KIAA0408: variants seen among roughly 807,000 people sequenced by gnomAD.
KIAA0408 encodes the protein KIAA0408.
A neutral mutation model predicts 60.9 loss-of-function variants in KIAA0408; 51 were observed. That is an observed-to-expected ratio of 0.84 (90% CI 0.67 to 1.06). The LOEUF (loss-of-function observed/expected upper bound fraction) is 1.06, where lower values mean the gene tolerates loss of function less well. KIAA0408 is among the 50% of genes least tolerant of loss of function. The pLI is 0.00. For missense variants in KIAA0408, 787 were observed against 833.9 expected (o/e 0.94, Z 0.69); for synonymous variants, 304 against 282.4 (o/e 1.08, Z -0.77).
intron 2 of KIAA0408, among the ~76,000 whole-genome samples, chr6:127,451,927 G>A (rs1773309022): frequency 6.6e-6 from 1 of 152,050 alleles, no homozygotes; most frequent in African/African-American, 2.4e-5. Context: ...TTCTACCAAA[G>A]GATACAGGCA....
intron 2 of KIAA0408, among the ~76,000 whole-genome samples, chr6:127,452,792 TG>T (rs1159508255): frequency 6.6e-6 from 1 of 152,060 alleles, no homozygotes; most frequent in Non-Finnish European, 1.5e-5. Flanking sequence ...AATCCGAGTA[TG>T]GGTAGAGGGG....
intron 1 of KIAA0408, among the ~76,000 whole-genome samples, chr6:127,458,219 T>TC (rs1438116764): frequency 1.3e-5 from 2 of 152,210 alleles, no homozygotes; most frequent in African/African-American, 2.4e-5. Flanking sequence ...TATCCCTTTC[T>TC]CCAGGCTATT....
At position 127,439,268 on chromosome 6, in the gene KIAA0408, T is replaced by G. The variant is rs751540076; in HGVS notation, c.*4841A>C. ...CTGCTTTTATTTATTCTGGAGTATA[T>G]GTAACTTATGAAGTGTGAAACTATT... On this transcript the variant is annotated 3_prime_UTR_variant, in exon 6 of 6. Coordinates refer to ENST00000483725, the MANE Select transcript of KIAA0408 (RefSeq NM_014702.5). 6.6e-6 allele frequency: 1 copy of G among 152,282 alleles called. No homozygotes were observed. 9.4% of individuals were successfully genotyped at this position (152,282 alleles called of 1,614,324 possible). A position where few individuals can be genotyped will look rare whatever the true frequency, so the allele number is the denominator to read the frequency against.
Position 127,447,745 on chromosome 6 carries a change from A to G in KIAA0408, c.579-5T>C. The G allele has an allele frequency of 6.5e-7, 1 of 1,531,402 alleles. No individual in the cohort carries two copies. Among genetic ancestry groups the G allele is most frequent in the Non-Finnish European group, 8.7e-7 (1 of 1,146,052 alleles). 94.9% of individuals were successfully genotyped at this position (1,531,402 alleles called of 1,614,324 possible). A position where few individuals can be genotyped will look rare whatever the true frequency, so the allele number is the denominator to read the frequency against. The stretch of plus-strand genomic sequence containing the variant: ...AGAAAAGAATCTGACTTCATCCTAA[A>G]CAATGATAAAACATGGTGTATTGGT... On this transcript the variant is annotated splice_polypyrimidine_tract_variant and splice_region_variant and intron_variant, in intron 4 of 5. Transcript: ENST00000483725.
rs199908143 is a variant in KIAA0408 at position 127,446,467 on chromosome 6, T to A, written c.1852A>T (p.Thr618Ser). The change falls in exon 5 of 6, where the codon ACA becomes TCA. Residue 618 changes from threonine (T) to serine (S), a missense_variant. By Grantham distance (58) the Thr-to-Ser change is moderately conservative (BLOSUM62 1). Transcript: ENST00000483725. ...ACTTCCTGTCCCCCCCACACAGCTGTCTTTTGCTGAAACTGTTGTTCCATT... is the reference window on the plus strand; with the variant it reads ...ACTTCCTGTCCCCCCCACACAGCTGACTTTTGCTGAAACTGTTGTTCCATT... ...LQMEQQFQQK[T>S]AVWGGQEVKQ... 9.9e-6 allele frequency: 16 copies of A among 1,614,018 alleles called. No individual in the cohort carries two copies. Among genetic ancestry groups the A allele is most frequent in the Non-Finnish European group, 1.3e-5 (15 of 1,179,920 alleles).
intron 4 of KIAA0408, among the ~76,000 whole-genome samples, chr6:127,448,961 A>G (rs946932843): frequency 1.3e-5 from 2 of 152,188 alleles, no homozygotes; most frequent in African/African-American, 4.8e-5. Context: ...ACTGTTTCCA[A>G]ATGGAAACAG....
Position 127,438,527 on chromosome 6 carries a change from G to A in KIAA0408, c.*5582C>T, listed in dbSNP as rs1206047663. 3.9e-5 allele frequency: 6 copies of A among 152,122 alleles called. No homozygotes were observed. The highest frequency in any genetic ancestry group is 8.8e-5 in the Non-Finnish European group (6 of 68,022). The allele number at this position is 152,122 out of a possible 1,614,324, so 9.4% of individuals were successfully genotyped here. On this transcript the variant is annotated 3_prime_UTR_variant, in exon 6 of 6. Coordinates refer to ENST00000483725, the MANE Select transcript of KIAA0408 (RefSeq NM_014702.5). Reference sequence around the variant, plus strand: ...TTGCAGTCACATTGCTTAACAACAGGGATATGATCTGAGAAACGTGTTCTC... The same window carrying A: ...TTGCAGTCACATTGCTTAACAACAGAGATATGATCTGAGAAACGTGTTCTC...
intron 4 of KIAA0408, 88 bp downstream of exon 4, chr6:127,449,734 T>A: frequency 6.5e-7 from 1 of 1,531,862 alleles, no homozygotes; most frequent in Non-Finnish European, 8.9e-7. Context: ...AGTTCTTACA[T>A]GTAAGGAGGA....
intron 1 of KIAA0408, among the ~76,000 whole-genome samples, chr6:127,457,144 G>GA (rs1773410122): frequency 6.6e-6 from 1 of 152,026 alleles, no homozygotes; most frequent in African/African-American, 2.4e-5. Flanking sequence ...CATATTTAAA[G>GA]AAAAAAGTTT....
chr6:127,449,478 C>T (rs940491943), intron 4 of KIAA0408, among the ~76,000 whole-genome samples: 3 of 151,868 alleles, frequency 2.0e-5, no homozygotes, highest in African/African-American at 4.8e-5. Context: ...GGTGAAATCC[C>T]GTCTCTACTA....
rs145445667 is a variant in KIAA0408 at position 127,447,296 on chromosome 6, T to C, written c.1023A>G (p.Val341=). The C allele has an allele frequency of 1.2e-6, 2 of 1,613,976 alleles. No homozygotes were observed. Among genetic ancestry groups the C allele is most frequent in the African/African-American group, 2.7e-5 (2 of 74,920 alleles). The change falls in exon 5 of 6, where the codon GTA becomes GTG. Residue 341 remains valine, a synonymous_variant. Transcript: ENST00000483725. ...GCTTGCTATCTATTTTGACTTCTGG[T>C]ACCAAAGAGGAAAAGATGATACCAT... The part of the protein sequence containing the change: ...SKDGIIFSSL[V]PEVKIDSKPP...
In KIAA0408 at chr6:127,455,770, A is replaced by G. The variant is rs1773381642; in HGVS notation, c.-120-1669T>C. On this transcript the variant is annotated intron_variant, in intron 1 of 5. Coordinates refer to ENST00000483725, the MANE Select transcript of KIAA0408 (RefSeq NM_014702.5). ...CATATCTCATTTTATCCATTTGGCC[A>G]TGCTCAATTTCTGACCTCATTTCTC... 2.0e-5 allele frequency among the ~76,000 whole-genome samples: 3 copies of G among 152,096 alleles called. No homozygotes were observed. The South Asian group carries it at 6.2e-4, about 31-fold the overall frequency.
intron 4 of KIAA0408, among the ~76,000 whole-genome samples, chr6:127,449,011 T>G (rs953621293): frequency 6.6e-6 from 1 of 152,210 alleles, no homozygotes; most frequent in Non-Finnish European, 1.5e-5. Context: ...ATATTTACAA[T>G]ATGTTGTTCT....
At position 127,450,036 on chromosome 6, in the gene KIAA0408, C is replaced by A; in HGVS notation, c.452G>T (p.Arg151Met). ...QKECEAWPDL[R>M]TSEEDSKSCS... ...GCTCTTGCTGTCTTCCTCAGAAGTC[C>A]TCAGGTCAGGCCAGGCCTCACATTC... The change falls in exon 3 of 6, where the codon AGG becomes ATG. Residue 151 changes from arginine to methionine, a missense_variant. This residue lies in a region of KIAA0408 where 640 missense variants were observed against 681.3 expected (regional missense o/e 0.94). Coordinates refer to ENST00000483725, the MANE Select transcript of KIAA0408 (RefSeq NM_014702.5). 2 of 1,614,052 alleles carry A rather than the reference C, an allele frequency of 1.2e-6. No homozygotes were observed. Among genetic ancestry groups the A allele is most frequent in the South Asian group, 2.2e-5 (2 of 91,072 alleles).
At chr6:127,445,472 A>C (rs1157801296) in intron 5 of KIAA0408, among the ~76,000 whole-genome samples, 1 of 152,196 alleles carries the variant, frequency 6.6e-6, no homozygotes, top group Non-Finnish European at 1.5e-5. Flanking sequence ...ATGAAAACTG[A>C]TATTTTTGCA....
chr6:127,454,504 A>G (rs1297988911), intron 1 of KIAA0408, among the ~76,000 whole-genome samples: 1 of 152,104 alleles, frequency 6.6e-6, no homozygotes, highest in Non-Finnish European at 1.5e-5. Flanking sequence ...ATGCAACCTG[A>G]TTATATATTC....
chr6:127,456,982 A>T (rs528176171), intron 1 of KIAA0408, among the ~76,000 whole-genome samples: 9 of 150,892 alleles, frequency 6.0e-5, no homozygotes, highest in African/African-American at 1.2e-4. Context: ...CTCTTTCTCC[A>T]TCTATCCCTC....
intron 2 of KIAA0408, among the ~76,000 whole-genome samples, chr6:127,451,780 A>T (rs1039146468): frequency 6.6e-6 from 1 of 152,058 alleles, no homozygotes; most frequent in Non-Finnish European, 1.5e-5. Context: ...TATCATACCT[A>T]ATTTTATGCC....
Position 127,444,227 on chromosome 6 carries a change from G to C in KIAA0408, c.1967C>G (p.Pro656Arg). 6.2e-7 allele frequency: 1 copy of C among 1,611,842 alleles called. No individual in the cohort carries two copies. Among genetic ancestry groups the C allele is most frequent in the Non-Finnish European group, 8.5e-7 (1 of 1,179,220 alleles). ...TCTGGAGGGGAGACGACGATTTGCTGGTCTAGCAGGTCGGGAAAATCCTTT... is the reference window on the plus strand; with the variant it reads ...TCTGGAGGGGAGACGACGATTTGCTCGTCTAGCAGGTCGGGAAAATCCTTT... ...HGKGFSRPARPANRRLPSRWA... is the reference protein window; with the variant it reads ...HGKGFSRPARRANRRLPSRWA... Residue 656 changes from proline to arginine, a missense_variant, in exon 6 of 6, where the codon CCA becomes CGA. By Grantham distance (103) the Pro-to-Arg change is moderately radical. Transcript: ENST00000483725.
Sources: gnomAD v4.1 joint callset for allele counts (sites outside exome capture counted in the v4.1 genomes callset) on GRCh38, gnomAD v4.1.1 for gene constraint, gnomAD v4.1.1 regional missense constraint, MANE v1.5 for transcripts, NCBI Gene and HGNC (gene_info 2026-07-23, HGNC 2026-07-21) for gene names.